DCAF13: variants seen among roughly 807,000 people sequenced by gnomAD.
DCAF13 encodes DDB1- and CUL4-associated factor 13.
In DCAF13, 38 loss-of-function variants were observed where a neutral mutation model predicts 59.0. The observed-to-expected ratio is 0.64, with a 90% CI of 0.50 to 0.84. The LOEUF is 0.84. DCAF13 is among the 40% of genes least tolerant of loss of function. The pLI, the probability that DCAF13 is intolerant of heterozygous loss-of-function variation, is 0.00. For missense variants in DCAF13, 469 were observed against 558.4 expected, an observed-to-expected ratio of 0.84 and a Z score of 1.61; for synonymous variants, 173 against 175.0, an observed-to-expected ratio of 0.99 and a Z score of 0.09.
At chr8:103,432,768 T>C (rs766137900) in intron 7 of DCAF13, 27 bp downstream of exon 7, 3 of 1,393,278 alleles carry the variant, frequency 2.2e-6, no homozygotes, top group Non-Finnish European at 3.0e-6. Context: ...TAAAAACTTG[T>C]GTATTTCTAT....
intron 3 of DCAF13, 59 bp from the exon 4 acceptor site, chr8:103,425,997 A>G (rs1210753184): frequency 1.7e-6 from 2 of 1,191,528 alleles, no homozygotes; most frequent in Non-Finnish European, 2.5e-6. Flanking sequence ...ATGTGTTGGC[A>G]AGTTTTAATT....
chr8:103,420,600 C>T, intron 2 of DCAF13, 137 bp downstream of exon 2: 2 of 854,820 alleles, frequency 2.3e-6, no homozygotes, highest in Admixed American at 2.9e-5. Flanking sequence ...GTTAGGAATA[C>T]TGTTTAGTAT....
At chr8:103,429,711 A>G (rs1816836040) in intron 5 of DCAF13, 1 of 152,250 alleles carries the variant, frequency 6.6e-6, no homozygotes, top group Non-Finnish European at 1.5e-5. Flanking sequence ...ACATTTACTA[A>G]TAAAACAATA....
chr8:103,420,672 TTAAA>T, intron 2 of DCAF13: 1 of 590,286 alleles, frequency 1.7e-6, no homozygotes, highest in South Asian at 2.3e-5. Context: ...TGACAGTAAA[TTAAA>T]TAATCATGTT....
intron 10 of DCAF13, chr8:103,442,492 A>G: frequency 5.2e-6 from 1 of 192,926 alleles, no homozygotes; most frequent in Non-Finnish European, 1.0e-5. Context: ...ATTAGAATAT[A>G]CAAATGGCTC....
At chr8:103,418,169 T>C (rs1195752862) in intron 1 of DCAF13, among the ~76,000 whole-genome samples, 2 of 151,592 alleles carry the variant, frequency 1.3e-5, no homozygotes, top group Non-Finnish European at 2.9e-5. Context: ...ATAGTGTAAA[T>C]TGCCGCCAAA....
At chr8:103,425,804 A>G (rs1035299216) in intron 3 of DCAF13, among the ~76,000 whole-genome samples, 1 of 152,172 alleles carries the variant, frequency 6.6e-6, no homozygotes, top group East Asian at 1.9e-4. Context: ...CACAATATGC[A>G]TGACCTAACT....
chr8:103,430,754 GACTA>G, intron 6 of DCAF13, 65 bp downstream of exon 6: 1 of 1,158,536 alleles, frequency 8.6e-7, no homozygotes, highest in South Asian at 1.5e-5. Context: ...TAAATAGAGT[GACTA>G]ACAATATGGA....
intron 8 of DCAF13, chr8:103,439,375 T>A (rs1816974901): frequency 6.8e-6 from 1 of 147,874 alleles, no homozygotes; most frequent in South Asian, 2.1e-4. Flanking sequence ...CAACTCACTT[T>A]AATTAAGCTT....
In DCAF13 at chr8:103,441,496, A is replaced by G. The variant is rs1375998472; in HGVS notation, c.1128A>G (p.Lys376=). 6 of 1,597,602 alleles carry G rather than the reference A, an allele frequency of 3.8e-6. No homozygotes were observed. Among genetic ancestry groups the G allele is most frequent in the South Asian group, 1.1e-5 (1 of 87,180 alleles). Residue 376 remains lysine (K), a synonymous_variant, in exon 10 of 11, where the codon AAA becomes AAG. Coordinates refer to ENST00000612750, the MANE Select transcript of DCAF13 (RefSeq NM_015420.7). The part of the protein sequence containing the change: ...REKAAKDYNQ[K]LKEKFQHYPH... ...AAGCAGCCAAGGATTATAACCAGAA[A>G]TTGAAGGAGAAATTTCAGCATTATC...
At chr8:103,434,482 G>T (rs776083140) in intron 7 of DCAF13, among the ~76,000 whole-genome samples, 1 of 152,086 alleles carries the variant, frequency 6.6e-6, no homozygotes, top group African/African-American at 2.4e-5. Flanking sequence ...TCTTAGGCAG[G>T]AACTGTAAAG....
intron 7 of DCAF13, among the ~76,000 whole-genome samples, chr8:103,433,848 A>G (rs2130491586): frequency 6.6e-6 from 1 of 151,970 alleles, no homozygotes; most frequent in Admixed American, 6.6e-5. Context: ...ACCTTTATTG[A>G]TGTTTTGAAA....
intron 8 of DCAF13, among the ~76,000 whole-genome samples, chr8:103,439,106 C>T (rs573105035): frequency 6.6e-6 from 1 of 152,226 alleles, no homozygotes; most frequent in South Asian, 2.1e-4. Context: ...CTCCTGGGTT[C>T]ACGCCATTCT....
At chr8:103,440,701 A>G (rs1456223726) in intron 9 of DCAF13, 3 of 152,658 alleles carry the variant, frequency 2.0e-5, no homozygotes, top group Non-Finnish European at 4.4e-5. Flanking sequence ...GGAACATTTA[A>G]TAAATACAGA....
intron 1 of DCAF13, among the ~76,000 whole-genome samples, chr8:103,418,698 A>G (rs568362769): frequency 6.6e-6 from 1 of 151,108 alleles, no homozygotes; most frequent in South Asian, 2.1e-4. Flanking sequence ...AATGTTAGAT[A>G]TAACACCATT....
At chr8:103,430,813 C>G in intron 6 of DCAF13, 124 bp downstream of exon 6, 1 of 607,260 alleles carries the variant, frequency 1.6e-6, no homozygotes, top group Non-Finnish European at 2.8e-6. Flanking sequence ...TACAGGTGTT[C>G]TTAGAACTCT....
At chr8:103,433,167 G>C (rs765819684) in intron 7 of DCAF13, among the ~76,000 whole-genome samples, 2 of 152,128 alleles carry the variant, frequency 1.3e-5, no homozygotes, top group African/African-American at 2.4e-5. Context: ...GCTGATGTTT[G>C]ATGTAGGTCT....
At chr8:103,437,687 A>G (rs760971020) in intron 8 of DCAF13, among the ~76,000 whole-genome samples, 2 of 152,040 alleles carry the variant, frequency 1.3e-5, no homozygotes, top group African/African-American at 4.8e-5. Context: ...TTTGTTTCCT[A>G]TCATTATAAA....
intron 5 of DCAF13, chr8:103,429,629 ATAAT>A (rs1223019537): frequency 6.6e-6 from 1 of 152,252 alleles, no homozygotes; most frequent in African/African-American, 2.4e-5. Context: ...TACAAATAAA[ATAAT>A]TAGAAAAATC....
Sources: gnomAD v4.1 joint callset for allele counts (sites outside exome capture counted in the v4.1 genomes callset) on GRCh38, gnomAD v4.1.1 for gene constraint, MANE v1.5 for transcripts, NCBI Gene and HGNC (gene_info 2026-07-23, HGNC 2026-07-21) for gene names.